The following STK33 variants were observed in gnomAD, a reference collection of about 807,000 sequenced individuals.
STK33 encodes serine/threonine kinase 33, also known as serine/threonine-protein kinase 33.
STK33 carries 52 observed loss-of-function variants against 58.0 expected under a neutral mutation model. The observed-to-expected ratio is 0.90, with a 90% CI of 0.72 to 1.13. The LOEUF is 1.13. STK33 is among the 50% of genes most tolerant of loss of function. The probability of loss-of-function intolerance (pLI) is 0.00; values close to 1 mark genes in which losing one functional copy is unlikely to be tolerated. For synonymous variants in STK33, 215 were observed against 200.1 expected (o/e 1.07, Z -0.63); for missense variants, 630 against 604.2 (o/e 1.04, Z -0.45).
chr11:8,453,628 AT>A (rs1341356590), intron 10 of STK33, among the ~76,000 whole-genome samples: 1 of 152,226 alleles, frequency 6.6e-6, no homozygotes, highest in Non-Finnish European at 1.5e-5. Context: ...AATATTCAGT[AT>A]GTGGCTTTGG....
At chr11:8,386,805 C>T in the STK33 span, among the ~76,000 whole-genome samples, 1 of 152,200 alleles carries the variant, frequency 6.6e-6, no homozygotes, top group African/African-American at 2.4e-5. Context: ...TGAACTCCAC[C>T]TGCTCAGCGG....
intron 1 of STK33, among the ~76,000 whole-genome samples, chr11:8,570,889 C>A (rs1257119264): frequency 2.0e-5 from 3 of 151,906 alleles, no homozygotes; most frequent in Admixed American, 2.0e-4. Context: ...AAAGCTGTTA[C>A]ACACACACAC....
chr11:8,344,229 A>ACACACCCC, the STK33 span, among the ~76,000 whole-genome samples: 1 of 150,376 alleles, frequency 6.6e-6, no homozygotes, highest in African/African-American at 2.5e-5. Context: ...ACACACACAC[A>ACACACCCC]CCCCAGTTAG....
chr11:8,430,059 T>C (rs139332294), intron 14 of STK33, among the ~76,000 whole-genome samples: 156 of 152,320 alleles, frequency 1.0e-3, no homozygotes, highest in African/African-American at 3.6e-3. Flanking sequence ...GCAGCAATCA[T>C]GGCACTTGAG....
chr11:8,548,293 G>A (rs769151010), intron 1 of STK33, among the ~76,000 whole-genome samples: 3 of 152,112 alleles, frequency 2.0e-5, no homozygotes, highest in Admixed American at 6.6e-5. Flanking sequence ...TATATGGTGA[G>A]AGATAGGGAT....
At chr11:8,434,612 C>A (rs1482602351) in intron 14 of STK33, among the ~76,000 whole-genome samples, 1 of 33,802 alleles carries the variant, frequency 3.0e-5, no homozygotes, top group African/African-American at 1.1e-4. Flanking sequence ...ATTCACATGG[C>A]AGCTCTGTGA....
the STK33 span, among the ~76,000 whole-genome samples, chr11:8,370,548 T>C: frequency 6.6e-6 from 1 of 151,974 alleles, no homozygotes; most frequent in Non-Finnish European, 1.5e-5. Flanking sequence ...CTTAGGGCTG[T>C]AAGGGAGAAG....
intron 1 of STK33, among the ~76,000 whole-genome samples, chr11:8,529,331 G>C (rs1412355593): frequency 6.6e-6 from 1 of 152,248 alleles, no homozygotes; most frequent in South Asian, 2.1e-4. Flanking sequence ...TAGAACCTCT[G>C]CTCTTATGGG....
At chr11:8,370,479 G>A in the STK33 span, among the ~76,000 whole-genome samples, 8 of 152,174 alleles carry the variant, frequency 5.3e-5, no homozygotes, top group Non-Finnish European at 1.0e-4. Flanking sequence ...TTACAGGCAC[G>A]ATCCACCCTG....
chr11:8,345,936 C>T, the STK33 span, among the ~76,000 whole-genome samples: 451 of 152,332 alleles, frequency 3.0e-3, 3 homozygotes, highest in African/African-American at 0.01. Flanking sequence ...TACCGAGTGG[C>T]AACCGTGCAC....
At chr11:8,460,788 A>C (rs1338309033) in intron 8 of STK33, among the ~76,000 whole-genome samples, 1 of 152,206 alleles carries the variant, frequency 6.6e-6, no homozygotes, top group Non-Finnish European at 1.5e-5. Flanking sequence ...ATTTGGGGAT[A>C]AAAGAAATCA....
chr11:8,570,830 G>T (rs1957759448), intron 1 of STK33, among the ~76,000 whole-genome samples: 1 of 152,022 alleles, frequency 6.6e-6, no homozygotes, highest in African/African-American at 2.4e-5. Flanking sequence ...AAATCAAATT[G>T]TACACTTTAA....
At chr11:8,486,976 G>A (rs1950234172) in intron 1 of STK33, among the ~76,000 whole-genome samples, 2 of 152,164 alleles carry the variant, frequency 1.3e-5, no homozygotes, top group African/African-American at 4.8e-5. Context: ...GTAAAGACAG[G>A]AGGAAGAACA....
At chr11:8,544,667 A>G (rs1955782269) in intron 1 of STK33, among the ~76,000 whole-genome samples, 1 of 152,100 alleles carries the variant, frequency 6.6e-6, no homozygotes, top group African/African-American at 2.4e-5. Flanking sequence ...AATCATAAAG[A>G]TATGAAATTC....
At chr11:8,461,506 A>C (rs956452831) in intron 8 of STK33, among the ~76,000 whole-genome samples, 3 of 152,226 alleles carry the variant, frequency 2.0e-5, no homozygotes, top group Non-Finnish European at 2.9e-5. Flanking sequence ...GCAAAAGGAA[A>C]GGCACCTCTA....
At chr11:8,408,814 C>T (rs1050597701) in intron 15 of STK33, among the ~76,000 whole-genome samples, 3 of 152,212 alleles carry the variant, frequency 2.0e-5, no homozygotes, top group Non-Finnish European at 4.4e-5. Flanking sequence ...AGAGAAACCA[C>T]GAGCAAGCTT....
rs1186215003 is a variant in STK33, at chr11:8,484,385, A to G, written c.-465-3771T>C. Among the ~76,000 whole-genome samples the G allele has an allele frequency of 4.6e-5, 7 of 152,314 alleles. No homozygotes were observed. In the East Asian group the frequency reaches 9.6e-4, roughly 21 times the overall value. ...TTAGCAGTCATAATCTCTCAACCTA[A>G]TGCTCCAAATATTGTTCTACATGGA... is the stretch of plus-strand genomic sequence containing the variant. On this transcript the variant is annotated intron_variant, in intron 1 of 15. Transcript: ENST00000687296.
At chr11:8,389,983 G>A (rs1417820374), downstream of STK33, among the ~76,000 whole-genome samples, 1 of 152,158 alleles carries the variant, frequency 6.6e-6, no homozygotes, top group Non-Finnish European at 1.5e-5. Flanking sequence ...AATATTCTAT[G>A]AGCAGTGCTT....
At chr11:8,338,975 A>G in the STK33 span, among the ~76,000 whole-genome samples, 222 of 152,334 alleles carry the variant, frequency 1.5e-3, 1 homozygote, top group Non-Finnish European at 5.3e-4. Flanking sequence ...GCAGGCCCAT[A>G]AAGAAATGGA....
Sources: allele counts gnomAD v4.1 joint callset (sites outside exome capture counted in the v4.1 genomes callset), GRCh38; gene constraint gnomAD v4.1.1; transcripts MANE v1.5; gene names NCBI Gene and HGNC (gene_info 2026-07-23, HGNC 2026-07-21).